The following SOX6 variants were observed in gnomAD, a reference collection of about 807,000 sequenced individuals.
SOX6 encodes transcription factor SOX-6.
In SOX6, 11 loss-of-function variants were observed where a neutral mutation model predicts 97.8. The observed-to-expected ratio is 0.11, with a 90% CI of 0.07 to 0.19. The LOEUF is 0.19. Among genes scored for constraint, SOX6 ranks in the 10% least tolerant of loss-of-function variants. The pLI, the probability that SOX6 is intolerant of heterozygous loss-of-function variation, is 1.00. For missense variants in SOX6, 810 were observed against 1,039.5 expected (o/e 0.78, Z 3.04); for synonymous variants, 360 against 371.4 (o/e 0.97, Z 0.35).
chr11:16,473,465 G>A (rs900131922), intron 1 of SOX6, among the ~76,000 whole-genome samples: 3 of 149,476 alleles, frequency 2.0e-5, no homozygotes, highest in East Asian at 3.9e-4. Context: ...TTTGATGGGT[G>A]GAGGCTCTTG....
intron 4 of SOX6, among the ~76,000 whole-genome samples, chr11:16,229,001 T>C (rs1014304783): frequency 6.6e-6 from 1 of 152,146 alleles, no homozygotes; most frequent in Non-Finnish European, 1.5e-5. Flanking sequence ...CTTAAATATG[T>C]AAAAATATTA....
At chr11:16,456,298 A>G (rs1030311991) in intron 1 of SOX6, among the ~76,000 whole-genome samples, 1 of 152,152 alleles carries the variant, frequency 6.6e-6, no homozygotes, top group Non-Finnish European at 1.5e-5. Context: ...TAATATCCAC[A>G]GTGCTGCCAA....
At chr11:16,515,605 GA>G (rs1227409379) in intron 4 of SOX6, among the ~76,000 whole-genome samples, 1,968 of 95,726 alleles carry the variant, frequency 0.021, 68 homozygotes, top group African/African-American at 0.073. Context: ...TGGTGTTTTA[GA>G]CATGAAGTCC....
At chr11:16,729,708 G>A (rs1848334208) in intron 2 of SOX6, among the ~76,000 whole-genome samples, 1 of 152,080 alleles carries the variant, frequency 6.6e-6, no homozygotes, top group Non-Finnish European at 1.5e-5. Context: ...CATAATGACA[G>A]GATCAAATTC....
intron 12 of SOX6, among the ~76,000 whole-genome samples, chr11:16,030,252 A>G (rs1053448613): frequency 3.3e-5 from 5 of 152,210 alleles, no homozygotes; most frequent in Non-Finnish European, 2.9e-5. Flanking sequence ...TCTATTTAGA[A>G]ATGCTTAGGT....
chr11:16,625,631 T>A (rs1365502225), intron 3 of SOX6, among the ~76,000 whole-genome samples: 2 of 152,174 alleles, frequency 1.3e-5, no homozygotes, highest in African/African-American at 2.4e-5. Context: ...GAAATTTTAG[T>A]CCTATACCCC....
At chr11:16,714,197 G>A (rs1182918449) in intron 3 of SOX6, among the ~76,000 whole-genome samples, 1 of 151,854 alleles carries the variant, frequency 6.6e-6, no homozygotes, top group Non-Finnish European at 1.5e-5. Context: ...AGTTCAAATA[G>A]GTTTATGTAG....
chr11:16,577,489 T>C (rs1037727458), intron 4 of SOX6, among the ~76,000 whole-genome samples: 15 of 152,200 alleles, frequency 9.9e-5, no homozygotes, highest in Admixed American at 9.8e-4. Context: ...TTTGAGAAAC[T>C]GATACTGGTT....
chr11:16,349,241 C>A (rs973872454), intron 1 of SOX6, among the ~76,000 whole-genome samples: 4 of 152,164 alleles, frequency 2.6e-5, no homozygotes, highest in African/African-American at 9.6e-5. Context: ...CCTTCTAATA[C>A]AGCAAAAACT....
At chr11:16,436,593 G>T (rs1354256963) in intron 1 of SOX6, among the ~76,000 whole-genome samples, 1 of 152,114 alleles carries the variant, frequency 6.6e-6, no homozygotes, top group Non-Finnish European at 1.5e-5. Context: ...TCCTGGCTCT[G>T]TCATCCACCA....
At chr11:16,477,042 C>G (rs187967823), upstream of SOX6, among the ~76,000 whole-genome samples, 2 of 152,296 alleles carry the variant, frequency 1.3e-5, no homozygotes, top group East Asian at 3.9e-4. Flanking sequence ...CTATGATTTT[C>G]TCTATCCAGG....
At chr11:16,575,200 AC>A (rs1488754032) in intron 4 of SOX6, among the ~76,000 whole-genome samples, 1 of 152,196 alleles carries the variant, frequency 6.6e-6, no homozygotes, top group Non-Finnish European at 1.5e-5. Context: ...TGGTAAGACA[AC>A]ATTTAATACT....
intron 3 of SOX6, among the ~76,000 whole-genome samples, chr11:16,288,279 T>A (rs904300857): frequency 1.3e-5 from 2 of 151,818 alleles, no homozygotes; most frequent in Non-Finnish European, 2.9e-5. Flanking sequence ...ATATTTGAGT[T>A]TATAGTTATC....
chr11:16,645,551 T>C (rs1291269492), intron 3 of SOX6, among the ~76,000 whole-genome samples: 1 of 152,212 alleles, frequency 6.6e-6, no homozygotes, highest in Non-Finnish European at 1.5e-5. Flanking sequence ...TGAGTTAAGA[T>C]GATGTCATAC....
At chr11:16,018,432 C>G (rs753308943) in intron 12 of SOX6, among the ~76,000 whole-genome samples, 1 of 151,804 alleles carries the variant, frequency 6.6e-6, no homozygotes, top group African/African-American at 2.4e-5. Flanking sequence ...ACTAAAAGAA[C>G]AGAGGTTTGT....
At chr11:16,346,954 ATTC>A (rs1484351098) in intron 1 of SOX6, among the ~76,000 whole-genome samples, 3 of 152,098 alleles carry the variant, frequency 2.0e-5, no homozygotes, top group Non-Finnish European at 4.4e-5. Context: ...CCTGGAACAG[ATTC>A]TTCTTAAGTC....
intron 1 of SOX6, among the ~76,000 whole-genome samples, chr11:16,370,317 C>T (rs1025411272): frequency 2.6e-5 from 4 of 152,076 alleles, no homozygotes; most frequent in Non-Finnish European, 5.9e-5. Flanking sequence ...AATGAAATCC[C>T]AAGTATTTGA....
intron 4 of SOX6, among the ~76,000 whole-genome samples, chr11:16,574,744 T>C (rs1477289573): frequency 6.6e-6 from 1 of 152,110 alleles, no homozygotes; most frequent in Non-Finnish European, 1.5e-5. Flanking sequence ...ATATACAGAT[T>C]TGTAGAAAAC....
chr11:16,667,597 C>A (rs1285257637), intron 3 of SOX6, among the ~76,000 whole-genome samples: 4 of 151,522 alleles, frequency 2.6e-5, no homozygotes, highest in African/African-American at 9.7e-5. Context: ...TGAAAATATC[C>A]TTCAAACATG....
Sources: allele counts gnomAD v4.1 joint callset (sites outside exome capture counted in the v4.1 genomes callset), GRCh38; gene constraint gnomAD v4.1.1; transcripts MANE v1.5; gene names NCBI Gene and HGNC (gene_info 2026-07-23, HGNC 2026-07-21).